Variants in SRGAP1 observed in about 807,000 individuals in gnomAD.
SRGAP1 encodes SLIT-ROBO Rho GTPase-activating protein 1.
In SRGAP1, 43 loss-of-function variants were observed where a neutral mutation model predicts 121.9. That is an observed-to-expected ratio of 0.35 (90% confidence interval 0.28 to 0.46). The LOEUF (loss-of-function observed/expected upper bound fraction) is 0.46. Among genes scored for constraint, SRGAP1 ranks in the 20% least tolerant of loss-of-function variants. The pLI, the probability that SRGAP1 is intolerant of heterozygous loss-of-function variation, is 1.00. For synonymous variants in SRGAP1, 447 were observed against 485.4 expected (o/e 0.92, Z 1.04); for missense variants, 1,102 against 1,350.9 (o/e 0.82, Z 2.89).
intron 1 of SRGAP1, among the ~76,000 whole-genome samples, chr12:63,929,079 C>T (rs2031367206): frequency 6.6e-6 from 1 of 152,144 alleles, no homozygotes; most frequent in Admixed American, 6.5e-5. Context: ...GTTGGGGACC[C>T]CTGGTTACAT....
At chr12:63,928,427 ATTC>A (rs2031343595) in intron 1 of SRGAP1, among the ~76,000 whole-genome samples, 2 of 152,348 alleles carry the variant, frequency 1.3e-5, no homozygotes, top group East Asian at 3.9e-4. Flanking sequence ...CAACTCAAAC[ATTC>A]TTCAACAGGT....
chr12:63,970,038 C>T (rs2032899249), intron 1 of SRGAP1, among the ~76,000 whole-genome samples: 1 of 152,162 alleles, frequency 6.6e-6, no homozygotes. Context: ...TTCCCTTTAT[C>T]CTTTTCCTGT....
intron 21 of SRGAP1, among the ~76,000 whole-genome samples, chr12:64,138,593 TG>T (rs1429576908): frequency 6.6e-6 from 1 of 151,776 alleles, no homozygotes; most frequent in Non-Finnish European, 1.5e-5. Flanking sequence ...TGAGAGTAGC[TG>T]GGCGTGTGCC....
intron 12 of SRGAP1, among the ~76,000 whole-genome samples, 157 bp from the exon 13 acceptor site, chr12:64,094,775 A>C (rs886709958): frequency 1.3e-5 from 2 of 152,240 alleles, no homozygotes; most frequent in African/African-American, 2.4e-5. Context: ...AGGCACAGCA[A>C]AGTAAGTTGA....
At chr12:64,019,279 G>A (rs552203211) in intron 4 of SRGAP1, among the ~76,000 whole-genome samples, 1 of 152,150 alleles carries the variant, frequency 6.6e-6, no homozygotes, top group Non-Finnish European at 1.5e-5. Flanking sequence ...TAGCGTTCAA[G>A]TGAGTAAGCT....
intron 15 of SRGAP1, among the ~76,000 whole-genome samples, chr12:64,105,886 A>G (rs979680588): frequency 1.3e-5 from 2 of 152,202 alleles, no homozygotes; most frequent in Non-Finnish European, 2.9e-5. Flanking sequence ...GGATTTGACA[A>G]ATATTAAAGA....
At chr12:63,975,597 TC>T (rs1565977778) in intron 1 of SRGAP1, among the ~76,000 whole-genome samples, 3 of 152,132 alleles carry the variant, frequency 2.0e-5, no homozygotes, top group Non-Finnish European at 4.4e-5. Flanking sequence ...TTCTTTTTTT[TC>T]TCATAAGATT....
intron 1 of SRGAP1, among the ~76,000 whole-genome samples, chr12:63,908,245 C>G (rs1399443824): frequency 2.0e-5 from 3 of 151,846 alleles, no homozygotes; most frequent in Non-Finnish European, 4.4e-5. Flanking sequence ...TGCAGAAATT[C>G]AAACTAGCTG....
At chr12:64,009,516 T>A (rs977415981) in intron 3 of SRGAP1, among the ~76,000 whole-genome samples, 2 of 152,302 alleles carry the variant, frequency 1.3e-5, no homozygotes, top group Admixed American at 1.3e-4. Context: ...TTGGTGTTGA[T>A]GACTATGCAC....
intron 3 of SRGAP1, among the ~76,000 whole-genome samples, chr12:63,999,562 GAA>G (rs1188785740): frequency 1.3e-5 from 2 of 152,140 alleles, no homozygotes; most frequent in Admixed American, 6.5e-5. Context: ...GGGTGGGAGA[GAA>G]GAGAGATGTA....
chr12:64,112,114 A>C (rs2036439352), intron 17 of SRGAP1, 128 bp downstream of exon 17: 1 of 734,166 alleles, frequency 1.4e-6, no homozygotes, highest in African/African-American at 1.8e-5. Context: ...AAGCAGTAAA[A>C]CTTGAAATAA....
chr12:64,153,962 A>G lies in SRGAP1; in HGVS notation c.*11290A>G, dbSNP rs1468395216. On this transcript the variant is annotated 3_prime_UTR_variant, in exon 22 of 22. Coordinates refer to ENST00000355086, the MANE Select transcript of SRGAP1 (RefSeq NM_020762.4). ...ATAAAATAGAATATTATGCAGCCTT[A>G]AAAAAGAAGGAATTCCTGTCATATG... 6.6e-6 allele frequency: 1 copy of G among 152,246 alleles called. No homozygotes were observed. The highest frequency in any genetic ancestry group is 1.5e-5 in the Non-Finnish European group (1 of 68,032). The allele number at this position is 152,246 out of a possible 1,614,324, so 9.4% of individuals were successfully genotyped here.
intron 1 of SRGAP1, among the ~76,000 whole-genome samples, chr12:63,938,567 C>T (rs1371795105): frequency 1.3e-5 from 2 of 152,056 alleles, no homozygotes; most frequent in Non-Finnish European, 2.9e-5. Flanking sequence ...TCTTTTCTTC[C>T]TTTCTAGGCA....
At chr12:63,926,047 C>G (rs1391804622) in intron 1 of SRGAP1, among the ~76,000 whole-genome samples, 1 of 152,146 alleles carries the variant, frequency 6.6e-6, no homozygotes, top group East Asian at 1.9e-4. Flanking sequence ...AGAGGATTTC[C>G]TTTTATCCTT....
At chr12:63,907,334 C>T (rs1006510844) in intron 1 of SRGAP1, among the ~76,000 whole-genome samples, 3 of 151,898 alleles carry the variant, frequency 2.0e-5, no homozygotes, top group Admixed American at 6.6e-5. Flanking sequence ...GTCAGGAGTT[C>T]GAGACCAGCT....
intron 15 of SRGAP1, among the ~76,000 whole-genome samples, chr12:64,101,396 A>G (rs1565681486): frequency 1.3e-5 from 2 of 151,140 alleles, no homozygotes; most frequent in South Asian, 4.2e-4. Context: ...ACCCTGAGTG[A>G]CCACGTTCTT....
chr12:64,087,688 A>T (rs375653101), intron 11 of SRGAP1, among the ~76,000 whole-genome samples: 1 of 152,160 alleles, frequency 6.6e-6, no homozygotes, highest in African/African-American at 2.4e-5. Context: ...GTGAGCCAAG[A>T]TTGCGCCACC....
At chr12:63,963,198 T>C (rs1167598199) in intron 1 of SRGAP1, among the ~76,000 whole-genome samples, 1 of 152,192 alleles carries the variant, frequency 6.6e-6, no homozygotes, top group Non-Finnish European at 1.5e-5. Context: ...GAAGAATCAA[T>C]AGACAGTGCA....
At chr12:64,031,752 A>G (rs898066913) in intron 4 of SRGAP1, among the ~76,000 whole-genome samples, 2 of 152,180 alleles carry the variant, frequency 1.3e-5, no homozygotes, top group African/African-American at 2.4e-5. Context: ...TTTTCCCTCT[A>G]TGATCACGCC....
Sources: gnomAD v4.1 joint callset for allele counts (sites outside exome capture counted in the v4.1 genomes callset) on GRCh38, gnomAD v4.1.1 for gene constraint, MANE v1.5 for transcripts, NCBI Gene and HGNC (gene_info 2026-07-23, HGNC 2026-07-21) for gene names.